The following NUB1 variants were observed in gnomAD, a reference collection of about 807,000 sequenced individuals.
NUB1 encodes NEDD8 ultimate buster 1.
Under a neutral mutation model 77.1 loss-of-function variants are expected in NUB1, and 41 were observed. The observed-to-expected ratio is 0.53, with a 90% CI of 0.41 to 0.69. The LOEUF is 0.69. Among genes scored for constraint, NUB1 ranks in the 30% least tolerant of loss-of-function variants. The probability of loss-of-function intolerance (pLI) is 0.00; values close to 1 mark genes in which losing one functional copy is unlikely to be tolerated. For missense variants in NUB1, 643 were observed against 743.8 expected, an observed-to-expected ratio of 0.86 and a Z score of 1.58; for synonymous variants, 257 against 281.0, an observed-to-expected ratio of 0.91 and a Z score of 0.85.
At chr7:151,372,406 G>A (rs1168673830) in intron 11 of NUB1, among the ~76,000 whole-genome samples, 3 of 152,254 alleles carry the variant, frequency 2.0e-5, no homozygotes, top group African/African-American at 7.2e-5. Flanking sequence ...GTTGGTGTGA[G>A]GTCTGTGTTA....
chr7:151,361,132 G>A (rs1389864872), intron 8 of NUB1: 1 of 152,124 alleles, frequency 6.6e-6, no homozygotes, highest in Admixed American at 6.5e-5. Context: ...TTGCTCATCA[G>A]TTATTTTATA....
intron 13 of NUB1, 163 bp from the exon 14 acceptor site, chr7:151,376,471 C>T (rs1563033318): frequency 1.5e-6 from 1 of 678,548 alleles, no homozygotes; most frequent in Non-Finnish European, 2.4e-6. Context: ...TTCCAGGTTG[C>T]TCTACGCTCA....
chr7:151,376,612 T>G, intron 13 of NUB1, 22 bp from the exon 14 acceptor site: 1 of 1,581,766 alleles, frequency 6.3e-7, no homozygotes, highest in Non-Finnish European at 8.6e-7. Context: ...GCTGATGCTG[T>G]GACCCCTGCG....
rs114412640 is a variant in NUB1, at chr7:151,376,941, G to T, written c.1670-106G>T. On this transcript the variant is annotated intron_variant, in intron 14 of 14. Transcript: ENST00000568733. Reference sequence around the variant, plus strand: ...CTGACGTCACCGGGCCGGCCACCTGGACAGTGTGGCCAGCAAGAGGCACAG... The same window carrying T: ...CTGACGTCACCGGGCCGGCCACCTGTACAGTGTGGCCAGCAAGAGGCACAG... 7.4e-4 allele frequency: 1,048 copies of T among 1,416,614 alleles called. 8 individuals are homozygous for T. In the African/African-American group the frequency reaches 0.013, roughly 18 times the overall value. 87.8% of individuals were successfully genotyped at this position (1,416,614 alleles called of 1,614,324 possible).
At chr7:151,362,135 A>T (rs1489355684) in intron 8 of NUB1, among the ~76,000 whole-genome samples, 2 of 152,174 alleles carry the variant, frequency 1.3e-5, no homozygotes, top group African/African-American at 4.8e-5. Context: ...GAACCATTGA[A>T]TACAAATTTG....
Position 151,376,815 on chromosome 7 carries a change from G to A in NUB1, c.1669+4G>A. ...ACGTCCCCTTCTGACTCCGCAGGTA[G>A]GTCTGAGGTCTTTGAGGGCCGCATT... On this transcript the variant is annotated splice_donor_region_variant and intron_variant, in intron 14 of 14. Transcript: ENST00000568733. 8 of 1,574,904 alleles carry A rather than the reference G, an allele frequency of 5.1e-6. No individual in the cohort carries two copies. Among genetic ancestry groups the A allele is most frequent in the Non-Finnish European group, 1.7e-6 (2 of 1,160,496 alleles).
In NUB1 at chr7:151,376,886, C is replaced by T. The variant is rs555761995; in HGVS notation, c.1669+75C>T. The stretch of plus-strand genomic sequence containing the variant: ...AGCCAACAGATGTGGCCCTAAGCCA[C>T]GGCAGATGTGGAGACTGAGGGGGCG... On this transcript the variant is annotated intron_variant, in intron 14 of 14. Coordinates refer to ENST00000568733, the MANE Select transcript of NUB1 (RefSeq NM_001243351.2). 271 of 1,488,670 alleles carry T rather than the reference C, an allele frequency of 1.8e-4. 1 individual carries two copies. In the African/African-American group the frequency reaches 3.0e-3, roughly 16 times the overall value. The allele number at this position is 1,488,670 out of a possible 1,614,324, so 92.2% of individuals were successfully genotyped here.
In NUB1 at chr7:151,377,494, G is replaced by A. The variant is rs920827664; in HGVS notation, c.*269G>A. Reference sequence around the variant, plus strand: ...CTTCCCCAGCTTGGTGTTTTACCCCGAAACAGGAAGGAACAGGGGTCCTGT... The same window carrying A: ...CTTCCCCAGCTTGGTGTTTTACCCCAAAACAGGAAGGAACAGGGGTCCTGT... On this transcript the variant is annotated 3_prime_UTR_variant, in exon 15 of 15. Transcript: ENST00000568733. The A allele has an allele frequency of 4.2e-5, 11 of 261,610 alleles. No individual in the cohort carries two copies. Among genetic ancestry groups the A allele is most frequent in the African/African-American group, 1.6e-4 (7 of 44,746 alleles). 16.2% of individuals were successfully genotyped at this position (261,610 alleles called of 1,614,324 possible). A position where few individuals can be genotyped will look rare whatever the true frequency, so the allele number is the denominator to read the frequency against.
At chr7:151,342,286 T>G (rs1476147427) in intron 1 of NUB1, among the ~76,000 whole-genome samples, 1 of 152,256 alleles carries the variant, frequency 6.6e-6, no homozygotes, top group Non-Finnish European at 1.5e-5. Context: ...GACGACCTGA[T>G]TCTATCATTC....
Position 151,351,015 on chromosome 7 carries a change from A to T in NUB1, c.286-409A>T, listed in dbSNP as rs1243156586. ...GACACAAAAGGCCACGTACTGCACT[A>T]TCCCATTTATATGAAATGTCCGGAA... On this transcript the variant is annotated intron_variant, in intron 3 of 14. Transcript: ENST00000568733. The T allele has an allele frequency of 1.3e-5, 3 of 236,802 alleles. No individual in the cohort carries two copies. In the South Asian group the frequency reaches 1.4e-4, roughly 11 times the overall value. 14.7% of individuals were successfully genotyped at this position (236,802 alleles called of 1,614,324 possible).
At chr7:151,344,632 C>T (rs551502810) in intron 1 of NUB1, among the ~76,000 whole-genome samples, 5 of 151,860 alleles carry the variant, frequency 3.3e-5, no homozygotes, top group Non-Finnish European at 7.4e-5. Flanking sequence ...TATTTATTAT[C>T]GATAGTTTAC....
chr7:151,350,677 G>A (rs1271577344), intron 3 of NUB1, among the ~76,000 whole-genome samples: 1 of 152,156 alleles, frequency 6.6e-6, no homozygotes, highest in East Asian at 1.9e-4. Context: ...TATTTCTAGT[G>A]TAACTATTCT....
At chr7:151,373,946 T>A in intron 11 of NUB1, 151 bp from the exon 12 acceptor site, 2 of 777,802 alleles carry the variant, frequency 2.6e-6, no homozygotes, top group Middle Eastern at 3.5e-4. Flanking sequence ...GCCATTTGGC[T>A]GGGTGAGGAG....
chr7:151,345,865 A>G (rs1000498669), intron 2 of NUB1, among the ~76,000 whole-genome samples: 1 of 151,848 alleles, frequency 6.6e-6, no homozygotes, highest in Non-Finnish European at 1.5e-5. Flanking sequence ...TTTTTCCCCC[A>G]GTTTTTTTGA....
At position 151,377,154 on chromosome 7, in the gene NUB1, GATGAAGAAA is replaced by G; in HGVS notation, c.1778_1786del (p.Asp593_Ile596delinsVal). The G allele has an allele frequency of 6.3e-7, 1 of 1,590,104 alleles. No homozygotes were observed. Among genetic ancestry groups the G allele is most frequent in the Non-Finnish European group, 8.6e-7 (1 of 1,166,972 alleles). The stretch of plus-strand genomic sequence containing the variant: ...AGACTATCTTGACTCAACTCTGGAA[GATGAAGAAA>G]TTATTATTGCAGAGTACCTATCCTA... On this transcript the variant is annotated inframe_deletion, in exon 15 of 15. Coordinates refer to ENST00000568733, the MANE Select transcript of NUB1 (RefSeq NM_001243351.2).
intron 8 of NUB1, among the ~76,000 whole-genome samples, chr7:151,364,095 A>G (rs1797520257): frequency 2.0e-5 from 3 of 150,902 alleles, no homozygotes; most frequent in African/African-American, 2.4e-5. Context: ...CGCCTGGCCT[A>G]AAATTTTTAT....
intron 11 of NUB1, among the ~76,000 whole-genome samples, chr7:151,372,060 T>C (rs1312996166): frequency 3.3e-5 from 5 of 152,184 alleles, no homozygotes; most frequent in Non-Finnish European, 7.3e-5. Flanking sequence ...TGGCCCTGAG[T>C]ACAGACCAGT....
chr7:151,362,285 C>T (rs1797414610), intron 8 of NUB1, among the ~76,000 whole-genome samples: 1 of 152,022 alleles, frequency 6.6e-6, no homozygotes, highest in Admixed American at 6.6e-5. Context: ...ATCTATTTAT[C>T]CTGGCCAACT....
rs552151173 is a variant in NUB1 at position 151,344,425 on chromosome 7, C to T, written c.-2-923C>T. On this transcript the variant is annotated intron_variant, in intron 1 of 14. Transcript: ENST00000568733. ...TCCTGGATTCAAGCGATTCTCCTGC[C>T]TCAGTCTCCCGAGTAGCTGGGATTA... 2.4e-3 allele frequency among the ~76,000 whole-genome samples: 356 copies of T among 150,954 alleles called. 4 individuals carry two copies. Among genetic ancestry groups the T allele is most frequent in the African/African-American group, 8.4e-3 (348 of 41,248 alleles).
Sources: gnomAD v4.1 joint callset for allele counts (sites outside exome capture counted in the v4.1 genomes callset) on GRCh38, gnomAD v4.1.1 for gene constraint, MANE v1.5 for transcripts, NCBI Gene and HGNC (gene_info 2026-07-23, HGNC 2026-07-21) for gene names.